Variants in MACROD2 observed in about 807,000 individuals in gnomAD.
MACROD2 encodes mono-ADP ribosylhydrolase 2.
MACROD2 carries 36 observed loss-of-function variants against 70.4 expected under a neutral mutation model. The observed-to-expected ratio is 0.51, with a 90% CI of 0.39 to 0.68. The LOEUF is 0.68. MACROD2 is among the 30% of genes least tolerant of loss of function. MACROD2 has a pLI of 0.00. For missense variants in MACROD2, 496 were observed against 538.4 expected (o/e 0.92, Z 0.78); for synonymous variants, 172 against 178.8 (o/e 0.96, Z 0.30).
intron 6 of MACROD2, among the ~76,000 whole-genome samples, chr20:15,362,386 CTG>C (rs2078363055): frequency 6.6e-6 from 1 of 152,204 alleles, no homozygotes; most frequent in Admixed American, 6.5e-5. Context: ...TTAGGAAAAA[CTG>C]TTCAGTCTTT....
chr20:15,688,109 A>C (rs147159187), intron 8 of MACROD2, among the ~76,000 whole-genome samples: 11 of 152,348 alleles, frequency 7.2e-5, no homozygotes, highest in African/African-American at 2.6e-4. Flanking sequence ...ATGAATTATC[A>C]GGCAGGAAAA....
intron 6 of MACROD2, chr20:15,280,817 G>T (rs2077437464): frequency 6.6e-6 from 1 of 152,232 alleles, no homozygotes; most frequent in African/African-American, 2.4e-5. Context: ...GGCAGACCTT[G>T]CTTAGCTTCC....
chr20:15,198,066 A>G (rs748259031), intron 5 of MACROD2, among the ~76,000 whole-genome samples: 1 of 149,964 alleles, frequency 6.7e-6, no homozygotes, highest in Non-Finnish European at 1.5e-5. Flanking sequence ...GGTTCAAGCG[A>G]TTCTCCTGCT....
chr20:15,063,595 C>G (rs1345412540), intron 5 of MACROD2, among the ~76,000 whole-genome samples: 1 of 152,150 alleles, frequency 6.6e-6, no homozygotes, highest in Non-Finnish European at 1.5e-5. Flanking sequence ...TTTGTATACA[C>G]ATTCAAATAA....
chr20:14,824,335 G>A (rs1255763501), intron 5 of MACROD2, among the ~76,000 whole-genome samples: 2 of 152,070 alleles, frequency 1.3e-5, no homozygotes, highest in Non-Finnish European at 2.9e-5. Flanking sequence ...AGGTTATGAA[G>A]TCTCCTGGTT....
chr20:14,271,627 G>C (rs1601420485), intron 3 of MACROD2, among the ~76,000 whole-genome samples: 1 of 152,312 alleles, frequency 6.6e-6, no homozygotes, highest in Non-Finnish European at 1.5e-5. Context: ...ACCAGCAACG[G>C]AACAAAGCTG....
intron 5 of MACROD2, among the ~76,000 whole-genome samples, chr20:14,902,716 G>A (rs2073910761): frequency 6.6e-6 from 1 of 152,124 alleles, no homozygotes; most frequent in African/African-American, 2.4e-5. Flanking sequence ...GGCCATAGTA[G>A]TGACTCTAGG....
chr20:14,670,873 A>T (rs2070787536), intron 4 of MACROD2, among the ~76,000 whole-genome samples: 1 of 152,016 alleles, frequency 6.6e-6, no homozygotes, highest in East Asian at 1.9e-4. Flanking sequence ...CTGAAGTCTT[A>T]CCCCCATGTG....
At chr20:15,077,682 A>T (rs768120504) in intron 5 of MACROD2, among the ~76,000 whole-genome samples, 1 of 152,122 alleles carries the variant, frequency 6.6e-6, no homozygotes, top group Non-Finnish European at 1.5e-5. Context: ...CTTCCTGGTG[A>T]GGAAGATTGG....
At chr20:14,539,944 A>G (rs921011254) in intron 4 of MACROD2, among the ~76,000 whole-genome samples, 5 of 152,168 alleles carry the variant, frequency 3.3e-5, no homozygotes, top group Non-Finnish European at 5.9e-5. Context: ...AATCTGTTTC[A>G]CATGTGAACA....
chr20:14,213,204 G>A (rs768358430), intron 3 of MACROD2, among the ~76,000 whole-genome samples: 1 of 151,276 alleles, frequency 6.6e-6, no homozygotes, highest in Admixed American at 6.6e-5. Context: ...ATACAGTCTT[G>A]ATATTTTTAA....
chr20:15,389,266 AAG>A (rs1176371213), intron 6 of MACROD2, among the ~76,000 whole-genome samples: 1 of 152,208 alleles, frequency 6.6e-6, no homozygotes, highest in East Asian at 1.9e-4. Context: ...GTTACTGAAG[AAG>A]AGAGAGAGGG....
intron 7 of MACROD2, among the ~76,000 whole-genome samples, chr20:15,461,006 A>ATATATATATATATATATTTTTTTTTTTT: frequency 7.5e-5 from 5 of 67,006 alleles, no homozygotes; most frequent in African/African-American, 2.1e-4. Context: ...ATATATATAT[A>ATATATATATATATATATTTTTTTTTTTT]TTTTTTTTTA....
chr20:15,648,008 G>A (rs111615106), intron 8 of MACROD2, among the ~76,000 whole-genome samples: 2,322 of 152,258 alleles, frequency 0.015, 52 homozygotes, highest in African/African-American at 0.054. Flanking sequence ...ACAGGCATGA[G>A]CCACTGTGCC....
At chr20:15,996,333 G>A (rs570379243) in intron 15 of MACROD2, among the ~76,000 whole-genome samples, 6 of 152,006 alleles carry the variant, frequency 3.9e-5, no homozygotes, top group Admixed American at 1.3e-4. Context: ...CTGAGGTCTC[G>A]GTATCAACAT....
chr20:14,143,406 A>G (rs1383551380), intron 3 of MACROD2, among the ~76,000 whole-genome samples: 1 of 152,170 alleles, frequency 6.6e-6, no homozygotes, highest in Admixed American at 6.5e-5. Context: ...AATAGCCTTC[A>G]CATGCTTGAT....
At chr20:15,435,997 A>G (rs1355058453) in intron 7 of MACROD2, among the ~76,000 whole-genome samples, 2 of 152,144 alleles carry the variant, frequency 1.3e-5, no homozygotes, top group East Asian at 3.9e-4. Flanking sequence ...TAAATTTACA[A>G]GTGAGACTGA....
intron 6 of MACROD2, among the ~76,000 whole-genome samples, chr20:15,409,482 T>A (rs1193789013): frequency 6.6e-6 from 1 of 152,204 alleles, no homozygotes; most frequent in Non-Finnish European, 1.5e-5. Context: ...TTTGCATCTG[T>A]AAGAGGATAA....
chr20:15,085,056 A>C (rs2075736278), intron 5 of MACROD2, among the ~76,000 whole-genome samples: 3 of 152,176 alleles, frequency 2.0e-5, no homozygotes, highest in Non-Finnish European at 4.4e-5. Context: ...ATAGAATCAA[A>C]ATATAAATCA....
Sources: gnomAD v4.1 joint callset for allele counts (sites outside exome capture counted in the v4.1 genomes callset) on GRCh38, gnomAD v4.1.1 for gene constraint, MANE v1.5 for transcripts, NCBI Gene and HGNC (gene_info 2026-07-23, HGNC 2026-07-21) for gene names.